The following ZNF106 variants were observed in gnomAD, a reference collection of about 807,000 sequenced individuals.
ZNF106 encodes SH3-domain binding protein 3.
A neutral mutation model predicts 195.1 loss-of-function variants in ZNF106; 67 were observed. That is an observed-to-expected ratio of 0.34 (90% CI 0.28 to 0.42). The LOEUF is 0.42. Among genes scored for constraint, ZNF106 ranks in the 10% least tolerant of loss-of-function variants. ZNF106 has a pLI of 1.00. For synonymous variants in ZNF106, 784 were observed against 818.6 expected (o/e 0.96, Z 0.72); for missense variants, 2,118 against 2,304.5 (o/e 0.92, Z 1.66).
At chr15:42,444,681 G>A in intron 8 of ZNF106, 146 bp downstream of exon 8, 1 of 957,720 alleles carries the variant, frequency 1.0e-6, no homozygotes, top group Non-Finnish European at 1.5e-6. Flanking sequence ...AATCCTAACT[G>A]TCCCCCATTA....
At chr15:42,467,328 G>A (rs2056543980) in intron 2 of ZNF106, among the ~76,000 whole-genome samples, 1 of 152,182 alleles carries the variant, frequency 6.6e-6, no homozygotes, top group Non-Finnish European at 1.5e-5. Flanking sequence ...TGCATTCCGT[G>A]TGAAGTCCCT....
At chr15:42,446,979 A>G (rs1196166224) in intron 6 of ZNF106, among the ~76,000 whole-genome samples, 2 of 152,238 alleles carry the variant, frequency 1.3e-5, no homozygotes, top group Admixed American at 6.5e-5. Flanking sequence ...TAAAATAAAT[A>G]TATCTGATTT....
At chr15:42,423,201 C>T (rs1160516387) in intron 17 of ZNF106, among the ~76,000 whole-genome samples, 1 of 151,806 alleles carries the variant, frequency 6.6e-6, no homozygotes, top group African/African-American at 2.4e-5. Context: ...GACTCCATCT[C>T]TACAAAAAAT....
chr15:42,477,422 A>G (rs2056807468), intron 1 of ZNF106, among the ~76,000 whole-genome samples: 1 of 152,246 alleles, frequency 6.6e-6, no homozygotes, highest in African/African-American at 2.4e-5. Context: ...AGATAGAGAT[A>G]GTATAGTTTC....
At chr15:42,453,635 G>A (rs569970355) in intron 4 of ZNF106, among the ~76,000 whole-genome samples, 6 of 147,554 alleles carry the variant, frequency 4.1e-5, no homozygotes, top group East Asian at 2.0e-4. Flanking sequence ...TCGCTTTGTC[G>A]CCCAGGCTGG....
intron 8 of ZNF106, 140 bp downstream of exon 8, chr15:42,444,687 C>T (rs2055700778): frequency 3.0e-6 from 3 of 1,012,794 alleles, no homozygotes; most frequent in East Asian, 2.5e-5. Flanking sequence ...AACTGTCCCC[C>T]ATTAGGCACA....
Position 42,437,106 on chromosome 15 carries a change from A to G in ZNF106, c.4746+126T>C. 5 of 979,988 alleles carry G rather than the reference A, an allele frequency of 5.1e-6. 1 individual carries two copies. Among genetic ancestry groups the G allele is most frequent in the South Asian group, 3.5e-5 (2 of 57,218 alleles). 60.7% of individuals were successfully genotyped at this position (979,988 alleles called of 1,614,324 possible). ...CTGAGCTTCTGGATTAAATGCATCT[A>G]AAGTCAATCTCAGGCCCACCCCTTC... On this transcript the variant is annotated intron_variant, in intron 13 of 21. Transcript: ENST00000564754.
intron 10 of ZNF106, among the ~76,000 whole-genome samples, chr15:42,440,998 A>AATATATATATATATAT (rs56924955): frequency 1.7e-4 from 4 of 23,574 alleles, no homozygotes; most frequent in Non-Finnish European, 2.6e-4. Context: ...AAAAAAAAAA[A>AATATATATATATATAT]ATATATATAT....
intron 1 of ZNF106, 142 bp from the exon 2 acceptor site, chr15:42,472,463 G>C: frequency 3.3e-6 from 2 of 598,618 alleles, no homozygotes; most frequent in Non-Finnish European, 5.7e-6. Context: ...CAGGTGCATA[G>C]GGTAAACATT....
chr15:42,490,042 A>G (rs1397067022), intron 1 of ZNF106, among the ~76,000 whole-genome samples: 2 of 151,804 alleles, frequency 1.3e-5, no homozygotes. Context: ...CCGTCCTAAA[A>G]AAAATAATAA....
In ZNF106 at chr15:42,439,519, G is replaced by A. The variant is rs2055418356; in HGVS notation, c.4058C>T (p.Ala1353Val). Residue 1353 changes from alanine (A) to valine (V), a missense_variant, in exon 11 of 22, where the codon GCT (alanine) becomes GTT (valine). Ala to Val is a moderately conservative substitution (Grantham distance 64). Transcript: ENST00000564754. ...TTCTGCCTGTTGTTCAGGCTGGTCA[G>A]CTGGAGAGTGGGGTTCCTTCTCCAA... The part of the protein sequence containing the change: ...TPLEKEPHSP[A>V]DQPEQQAEST... The A allele has an allele frequency of 6.2e-7, 1 of 1,614,082 alleles. No individual in the cohort carries two copies. The highest frequency in any genetic ancestry group is 1.3e-5 in the African/African-American group (1 of 74,934).
chr15:42,471,840 T>C (rs910117700), intron 2 of ZNF106, among the ~76,000 whole-genome samples: 7 of 152,228 alleles, frequency 4.6e-5, no homozygotes, highest in Middle Eastern at 3.2e-3. Context: ...CATAAACAGA[T>C]TGTAGGTACA....
In ZNF106 at chr15:42,425,355, T is replaced by G. The variant is rs149865843; in HGVS notation, c.4999-330A>C. On this transcript the variant is annotated intron_variant, in intron 15 of 21. Transcript: ENST00000564754. ...GTTAATAATAATGAAGGGTGAACCT[T>G]TTTTTTTCAAACTCTAGTGCATATT... The G allele has an allele frequency of 3.3e-3, 812 of 244,554 alleles. 6 individuals are homozygous for G. Among genetic ancestry groups the G allele is most frequent in the Middle Eastern group, 0.015 (10 of 680 alleles). 15.1% of individuals were successfully genotyped at this position (244,554 alleles called of 1,614,324 possible).
chr15:42,451,991 G>T, intron 4 of ZNF106, 37 bp from the exon 5 acceptor site: 1 of 1,569,432 alleles, frequency 6.4e-7, no homozygotes, highest in South Asian at 1.2e-5. Context: ...CGATTTAAAG[G>T]AATTCCTATG....
At position 42,428,041 on chromosome 15, in the gene ZNF106, T is replaced by C. The variant is rs368732514; in HGVS notation, c.4975A>G (p.Thr1659Ala). Residue 1659 changes from threonine (T) to alanine (A), a missense_variant, in exon 15 of 22, where the codon ACT becomes GCT. By Grantham distance (58) the Thr-to-Ala change is moderately conservative. Transcript: ENST00000564754. ...ACCTTTATGTTGAAGGTGACCACAG[T>C]GCCATTTGCCAGTCCCGCATAGAGG... ...RILYAGLANG[T>A]VVTFNIKNNK... is the part of the protein sequence containing the mutation. The C allele has an allele frequency of 6.2e-7, 1 of 1,614,070 alleles. No individual in the cohort carries two copies. The highest frequency in any genetic ancestry group is 2.2e-5 in the East Asian group (1 of 44,870).
intron 1 of ZNF106, among the ~76,000 whole-genome samples, chr15:42,487,426 G>A (rs1177366593): frequency 6.7e-6 from 1 of 148,934 alleles, no homozygotes; most frequent in Non-Finnish European, 1.5e-5. Context: ...AGGAGTTTGA[G>A]GGTGTAGTGA....
chr15:42,422,370 A>C (rs2054696229), intron 18 of ZNF106, 131 bp downstream of exon 18: 3 of 1,242,074 alleles, frequency 2.4e-6, no homozygotes, highest in South Asian at 3.1e-5. Flanking sequence ...CTGTTTCATA[A>C]TTATCTAGAA....
rs908466249 is a variant in ZNF106, at chr15:42,414,352, G to A, written c.*2952C>T. ...CTTATGGTCCCTTTATTTCTTAATAGAGGGCTAGAACCGTTCATTTGGGGT... is the reference window on the plus strand; with the variant it reads ...CTTATGGTCCCTTTATTTCTTAATAAAGGGCTAGAACCGTTCATTTGGGGT... On this transcript the variant is annotated 3_prime_UTR_variant, in exon 22 of 22. Coordinates refer to ENST00000564754, the MANE Select transcript of ZNF106 (RefSeq NM_001366845.3). 6.6e-6 allele frequency: 1 copy of A among 152,212 alleles called. No individual in the cohort carries two copies. Among genetic ancestry groups the A allele is most frequent in the Non-Finnish European group, 1.5e-5 (1 of 68,044 alleles). The allele number at this position is 152,212 out of a possible 1,614,324, so 9.4% of individuals were successfully genotyped here. A position where few individuals can be genotyped will look rare whatever the true frequency, so the allele number is the denominator to read the frequency against.
rs1225718664 is a variant in ZNF106 at position 42,472,282 on chromosome 15, C to G, written c.8G>C (p.Arg3Pro). 6.5e-7 allele frequency: 1 copy of G among 1,535,814 alleles called. No homozygotes were observed. The change falls in exon 2 of 22, where the codon CGA (arginine) becomes CCA (proline). Residue 3 changes from arginine (R) to proline (P), a missense_variant. Coordinates refer to ENST00000564754, the MANE Select transcript of ZNF106 (RefSeq NM_001366845.3). ...GTGGCATAATATGCATTTTCGTTCT[C>G]GTACCATAGTGACCAGATCTGAAGC... MVRERKCILCHIV... is the reference protein window; with the variant it reads MVPERKCILCHIV...
Sources: allele counts gnomAD v4.1 joint callset (sites outside exome capture counted in the v4.1 genomes callset), GRCh38; gene constraint gnomAD v4.1.1; transcripts MANE v1.5; gene names NCBI Gene and HGNC (gene_info 2026-07-23, HGNC 2026-07-21).